The following ADCY9 variants were observed in gnomAD, a reference collection of about 807,000 sequenced individuals.
The protein encoded by ADCY9 is adenylate cyclase 9, also known as adenylate cyclase type 9.
A neutral mutation model predicts 101.5 loss-of-function variants in ADCY9; 50 were observed. The observed-to-expected ratio is 0.49, with a 90% confidence interval of 0.39 to 0.62. ADCY9 has a LOEUF of 0.62. ADCY9 is among the 20% of genes least tolerant of loss of function. ADCY9 has a pLI of 0.00. For missense variants in ADCY9, 1,662 were observed against 1,800.4 expected, an observed-to-expected ratio of 0.92 and a Z score of 1.39; for synonymous variants, 905 against 769.3, an observed-to-expected ratio of 1.18 and a Z score of -2.92.
chr16:4,112,808 T>G (rs942095408), intron 2 of ADCY9, among the ~76,000 whole-genome samples: 1 of 152,128 alleles, frequency 6.6e-6, no homozygotes, highest in African/African-American at 2.4e-5. Flanking sequence ...AAGGACTGTT[T>G]AAAAAGGAGG....
chr16:4,043,329 G>A (rs1193720362), intron 2 of ADCY9, among the ~76,000 whole-genome samples: 1 of 152,106 alleles, frequency 6.6e-6, no homozygotes, highest in Non-Finnish European at 1.5e-5. Flanking sequence ...TAACAAGACA[G>A]AGGAATACAC....
chr16:3,975,737 C>T (rs925414813), intron 9 of ADCY9, among the ~76,000 whole-genome samples: 3 of 152,120 alleles, frequency 2.0e-5, no homozygotes, highest in African/African-American at 4.8e-5. Context: ...TGTAAACAGG[C>T]GGTTCTTCAA....
Position 3,966,196 on chromosome 16 carries a change from C to T in ADCY9, c.3641G>A (p.Arg1214His), listed in dbSNP as rs200863972. Residue 1214 changes from arginine (R) to histidine (H), a missense_variant, in exon 11 of 11, where the codon CGC becomes CAC. Physicochemically the swap from Arg to His is conservative, Grantham distance 29. Transcript: ENST00000294016. ...CRIQVSEESY[R>H]VLSKMGYDFD... The stretch of plus-strand genomic sequence containing the variant: ...GTCATAGCCCATCTTGCTCAAGACG[C>T]GGTAGCTCTCTTCGCTCACCTGGAT... 1.8e-5 allele frequency: 29 copies of T among 1,614,218 alleles called. No individual in the cohort carries two copies. Among genetic ancestry groups the T allele is most frequent in the South Asian group, 9.9e-5 (9 of 91,080 alleles).
chr16:3,975,132 G>T (rs1321244316), intron 9 of ADCY9, among the ~76,000 whole-genome samples: 1 of 152,192 alleles, frequency 6.6e-6, no homozygotes, highest in Non-Finnish European at 1.5e-5. Context: ...AAGCCCCGCA[G>T]CCATGACTAA....
At position 3,965,743 on chromosome 16, in the gene ADCY9, C is replaced by T. The variant is rs1440672737; in HGVS notation, c.*32G>A. 2.5e-6 allele frequency: 4 copies of T among 1,577,120 alleles called. No individual in the cohort carries two copies. The highest frequency in any genetic ancestry group is 3.5e-6 in the Non-Finnish European group (4 of 1,158,692). ...ACAAATATTACTGTGTTTCGACAAACAGAGCACCTCGGGCAGCGGGTGGGC... is the reference window on the plus strand; with the variant it reads ...ACAAATATTACTGTGTTTCGACAAATAGAGCACCTCGGGCAGCGGGTGGGC... On this transcript the variant is annotated 3_prime_UTR_variant, in exon 11 of 11. Transcript: ENST00000294016.
chr16:4,081,664 C>A (rs1336391332), intron 2 of ADCY9, among the ~76,000 whole-genome samples: 2 of 151,938 alleles, frequency 1.3e-5, no homozygotes, highest in Admixed American at 6.6e-5. Context: ...ACATGTTCAA[C>A]ATCACAGCAC....
At chr16:4,074,765 G>A (rs1161136830) in intron 2 of ADCY9, among the ~76,000 whole-genome samples, 1 of 150,532 alleles carries the variant, frequency 6.6e-6, no homozygotes, top group African/African-American at 2.4e-5. Context: ...CTACAAAGTG[G>A]AAGGTTAAAA....
chr16:3,987,026 A>G (rs2056199121), intron 6 of ADCY9, among the ~76,000 whole-genome samples: 1 of 152,154 alleles, frequency 6.6e-6, no homozygotes, highest in Admixed American at 6.5e-5. Context: ...ATGCGCCTGC[A>G]ACTCCCTGGA....
chr16:3,986,249 C>T (rs1304357692), intron 6 of ADCY9, among the ~76,000 whole-genome samples: 4 of 152,210 alleles, frequency 2.6e-5, no homozygotes, highest in Admixed American at 6.5e-5. Context: ...TAAGAACGCA[C>T]CCACGTGGAG....
chr16:3,988,266 G>A (rs1460653594), intron 6 of ADCY9, among the ~76,000 whole-genome samples: 2 of 152,118 alleles, frequency 1.3e-5, no homozygotes, highest in South Asian at 2.1e-4. Flanking sequence ...GGGTTAAGGC[G>A]GTGGGGGCGG....
At chr16:4,007,282 C>T in intron 3 of ADCY9, 86 bp downstream of exon 3, 2 of 1,253,140 alleles carry the variant, frequency 1.6e-6, no homozygotes, top group Non-Finnish European at 2.1e-6. Context: ...TGCCTCAGAC[C>T]TGGAGGCTGC....
intron 2 of ADCY9, among the ~76,000 whole-genome samples, chr16:4,046,959 A>G (rs1022498700): frequency 2.0e-5 from 3 of 152,252 alleles, no homozygotes; most frequent in East Asian, 1.9e-4. Flanking sequence ...GCAGTAAGCT[A>G]TAAGTACGCC....
intron 2 of ADCY9, among the ~76,000 whole-genome samples, chr16:4,113,104 G>A (rs2057123878): frequency 6.6e-6 from 1 of 151,524 alleles, no homozygotes; most frequent in Non-Finnish European, 1.5e-5. Context: ...TTCACTTAAG[G>A]CAAATACTAT....
intron 2 of ADCY9, among the ~76,000 whole-genome samples, chr16:4,027,198 G>A (rs923197885): frequency 8.5e-5 from 13 of 152,212 alleles, no homozygotes; most frequent in South Asian, 4.1e-4. Context: ...GCTCCTGCTC[G>A]AGCCTGCTCC....
chr16:4,016,890 G>T (rs12920508), intron 2 of ADCY9, among the ~76,000 whole-genome samples: 31 of 152,064 alleles, frequency 2.0e-4, no homozygotes, highest in Non-Finnish European at 3.2e-4. Flanking sequence ...TGTAAAATTA[G>T]GTTGTGGTGA....
chr16:4,097,039 A>T (rs1198694232), intron 2 of ADCY9, among the ~76,000 whole-genome samples: 3 of 152,182 alleles, frequency 2.0e-5, no homozygotes, highest in Non-Finnish European at 4.4e-5. Flanking sequence ...AGGAGCTACA[A>T]TATTATTAAG....
At chr16:4,027,642 C>T (rs376949259) in intron 2 of ADCY9, among the ~76,000 whole-genome samples, 2 of 152,036 alleles carry the variant, frequency 1.3e-5, no homozygotes, top group African/African-American at 4.8e-5. Flanking sequence ...TGTGGGAGGC[C>T]GAGGTGGGCA....
chr16:3,959,998 C>T (rs2055929445), downstream of ADCY9, among the ~76,000 whole-genome samples: 1 of 151,968 alleles, frequency 6.6e-6, no homozygotes, highest in Admixed American at 6.6e-5. Context: ...TGCACTCTAG[C>T]CTGGGCAACA....
At chr16:3,977,718 C>G (rs1258649847) in intron 8 of ADCY9, 88 bp from the exon 9 acceptor site, 1 of 1,477,474 alleles carries the variant, frequency 6.8e-7, no homozygotes, top group Non-Finnish European at 9.1e-7. Flanking sequence ...GCCACTAATC[C>G]ATGTTTCCTT....
Sources: allele counts gnomAD v4.1 joint callset (sites outside exome capture counted in the v4.1 genomes callset), GRCh38; gene constraint gnomAD v4.1.1; transcripts MANE v1.5; gene names NCBI Gene and HGNC (gene_info 2026-07-23, HGNC 2026-07-21).